Variants in LRP6 observed in about 807,000 individuals in gnomAD.
LRP6 encodes LDL receptor related protein 6, also known as low-density lipoprotein receptor-related protein 6.
Under a neutral mutation model 184.1 loss-of-function variants are expected in LRP6, and 43 were observed. That is an observed-to-expected ratio of 0.23 (90% CI 0.18 to 0.30). The LOEUF (loss-of-function observed/expected upper bound fraction) is 0.30, where lower values mean the gene tolerates loss of function less well. Among genes scored for constraint, LRP6 ranks in the 10% least tolerant of loss-of-function variants. The pLI is 1.00. For missense variants in LRP6, 1,571 were observed against 2,005.3 expected (o/e 0.78, Z 4.14); for synonymous variants, 719 against 684.9 (o/e 1.05, Z -0.78).
intron 2 of LRP6, among the ~76,000 whole-genome samples, chr12:12,221,426 C>G (rs1475036566): frequency 1.3e-5 from 2 of 152,192 alleles, no homozygotes; most frequent in Non-Finnish European, 2.9e-5. Flanking sequence ...CACCTCCCCC[C>G]TCTTCCCTCT....
chr12:12,142,616 T>C (rs534689182), intron 15 of LRP6, among the ~76,000 whole-genome samples: 28 of 152,284 alleles, frequency 1.8e-4, no homozygotes, highest in African/African-American at 5.5e-4. Context: ...TTTCTTTTTA[T>C]GTGGCCAACA....
At chr12:12,256,130 C>T (rs561297952) in intron 1 of LRP6, among the ~76,000 whole-genome samples, 58 of 152,220 alleles carry the variant, frequency 3.8e-4, no homozygotes, top group African/African-American at 1.3e-3. Context: ...TTTCTAATAC[C>T]TCTTCTATTT....
chr12:12,233,464 T>C (rs1864843924), intron 2 of LRP6, among the ~76,000 whole-genome samples: 1 of 151,924 alleles, frequency 6.6e-6, no homozygotes, highest in Admixed American at 6.6e-5. Flanking sequence ...TCAGACTCCA[T>C]CTCAAAAAAA....
chr12:12,202,877 C>T (rs746099267), intron 3 of LRP6, among the ~76,000 whole-genome samples: 1 of 152,134 alleles, frequency 6.6e-6, no homozygotes, highest in Non-Finnish European at 1.5e-5. Flanking sequence ...AGTAGCACTC[C>T]CAGTCCTTGG....
At chr12:12,266,044 C>T (rs539901465) in intron 1 of LRP6, among the ~76,000 whole-genome samples, 2 of 152,150 alleles carry the variant, frequency 1.3e-5, no homozygotes, top group Non-Finnish European at 2.9e-5. Context: ...CCAGAGGTTA[C>T]AAGGGCAATG....
At chr12:12,147,997 C>A (rs1047323828) in intron 14 of LRP6, among the ~76,000 whole-genome samples, 20 of 144,948 alleles carry the variant, frequency 1.4e-4, no homozygotes, top group Non-Finnish European at 3.0e-5. Context: ...TATATATCCT[C>A]TTTTATATAA....
chr12:12,264,298 C>G (rs1296409176), intron 1 of LRP6, among the ~76,000 whole-genome samples: 1 of 152,138 alleles, frequency 6.6e-6, no homozygotes, highest in Non-Finnish European at 1.5e-5. Context: ...ACCCTGCAAA[C>G]TAGTCAGGTA....
Position 12,138,409 on chromosome 12 carries a change from G to T in LRP6, c.3523C>A (p.Arg1175=). The change falls in exon 16 of 23, where the codon CGA becomes AGA. Residue 1175 remains arginine (R), a synonymous_variant. Transcript: ENST00000261349. ...QMIEKIDMTG[R]EGRTKVQARI... ...GCTTGGACTTTGGTTCTACCCTCTC[G>T]ACCTGTCATGTCAATTTTTTCAATC... The T allele has an allele frequency of 6.2e-7, 1 of 1,613,968 alleles. No individual in the cohort carries two copies. Among genetic ancestry groups the T allele is most frequent in the South Asian group, 1.1e-5 (1 of 91,072 alleles).
chr12:12,162,292 T>C lies in LRP6; in HGVS notation c.2180A>G (p.Asn727Ser). ...KNLYWADTGT[N>S]RIEVSKLDGQ... ...ATCCAACTTTGACACCTCAATTCGA[T>C]TCGTTCCTGTGTCTGCCCAGTACAA... Residue 727 changes from asparagine (N) to serine (S), a missense_variant, in exon 10 of 23, where the codon AAT (asparagine) becomes AGT (serine). Asn to Ser is a conservative substitution (Grantham distance 46). This residue lies in a region of LRP6 where 158 missense variants were observed against 258.4 expected (regional missense o/e 0.61). Coordinates refer to ENST00000261349, the MANE Select transcript of LRP6 (RefSeq NM_002336.3). 6.2e-7 allele frequency: 1 copy of C among 1,614,180 alleles called. No homozygotes were observed. The highest frequency in any genetic ancestry group is 1.1e-5 in the South Asian group (1 of 91,076).
At chr12:12,231,243 T>G (rs1354850583) in intron 2 of LRP6, among the ~76,000 whole-genome samples, 2 of 137,996 alleles carry the variant, frequency 1.4e-5, no homozygotes, top group African/African-American at 5.2e-5. Flanking sequence ...ATGACGACCC[T>G]GGATTTTCTG....
chr12:12,168,106 G>A (rs1862938649), intron 7 of LRP6, among the ~76,000 whole-genome samples: 1 of 152,070 alleles, frequency 6.6e-6, no homozygotes, highest in South Asian at 2.1e-4. Flanking sequence ...TGCTCTGCCA[G>A]ACCCCTAACT....
Position 12,120,198 on chromosome 12 carries a change from A to C in LRP6, c.*928T>G, listed in dbSNP as rs1422830424. The C allele has an allele frequency of 3.3e-5, 5 of 151,724 alleles. No homozygotes were observed. The highest frequency in any genetic ancestry group is 1.2e-4 in the African/African-American group (5 of 41,294). The allele number at this position is 151,724 out of a possible 1,614,324, so 9.4% of individuals were successfully genotyped here. A position where few individuals can be genotyped will look rare whatever the true frequency, so the allele number is the denominator to read the frequency against. On this transcript the variant is annotated 3_prime_UTR_variant, in exon 23 of 23. Coordinates refer to ENST00000261349, the MANE Select transcript of LRP6 (RefSeq NM_002336.3). ...ATTAAAACAATCTTGGAAGAAGAGA[A>C]ATAATATGTCTAACTTTTGATCATT...
chr12:12,242,131 G>C (rs1465775055), intron 2 of LRP6, among the ~76,000 whole-genome samples: 2 of 152,078 alleles, frequency 1.3e-5, no homozygotes, highest in East Asian at 3.9e-4. Flanking sequence ...TTATAGAAAT[G>C]ATCAAGATCC....
chr12:12,166,344 C>A (rs191325185), intron 7 of LRP6, among the ~76,000 whole-genome samples: 2 of 152,204 alleles, frequency 1.3e-5, no homozygotes, highest in East Asian at 3.9e-4. Context: ...TGTACTGCTA[C>A]CTCATCTAAA....
intron 21 of LRP6, 45 bp downstream of exon 21, chr12:12,125,251 T>C (rs763970836): frequency 1.5e-5 from 24 of 1,609,392 alleles, no homozygotes; most frequent in Non-Finnish European, 2.0e-5. Flanking sequence ...TTAAAAAATC[T>C]AAGATCTTAT....
At chr12:12,134,156 C>T (rs1949797993) in intron 17 of LRP6, among the ~76,000 whole-genome samples, 2 of 152,076 alleles carry the variant, frequency 1.3e-5, no homozygotes, top group South Asian at 2.1e-4. Flanking sequence ...CCCACCCACC[C>T]GATCAACAAT....
At chr12:12,233,400 G>A (rs1182861772) in intron 2 of LRP6, among the ~76,000 whole-genome samples, 5 of 152,090 alleles carry the variant, frequency 3.3e-5, no homozygotes, top group South Asian at 2.1e-4. Flanking sequence ...CCCGGGAGGC[G>A]GAGGTTGCAG....
intron 5 of LRP6, 62 bp from the exon 6 acceptor site, chr12:12,181,501 A>G (rs1863344678): frequency 3.6e-6 from 3 of 840,410 alleles, no homozygotes; most frequent in African/African-American, 3.3e-5. Flanking sequence ...TACCTGCTCT[A>G]GATAAAGAAT....
chr12:12,245,584 T>A (rs1237766001), intron 1 of LRP6, among the ~76,000 whole-genome samples: 1 of 152,196 alleles, frequency 6.6e-6, no homozygotes, highest in Non-Finnish European at 1.5e-5. Flanking sequence ...GTCTATCAAT[T>A]ATACCTTAAT....
Sources: allele counts gnomAD v4.1 joint callset (sites outside exome capture counted in the v4.1 genomes callset), GRCh38; gene constraint gnomAD v4.1.1; regional missense constraint gnomAD v4.1.1; transcripts MANE v1.5; gene names NCBI Gene and HGNC (gene_info 2026-07-23, HGNC 2026-07-21).